Variants in GLB1 observed in about 807,000 individuals in gnomAD.
The protein encoded by GLB1 is galactosidase beta 1, also known as beta-galactosidase.
GLB1 carries 56 observed loss-of-function variants against 74.0 expected under a neutral mutation model. The observed-to-expected ratio is 0.76, with a 90% CI of 0.61 to 0.94. The LOEUF (loss-of-function observed/expected upper bound fraction) is 0.94, where lower values mean the gene tolerates loss of function less well. GLB1 is among the 40% of genes least tolerant of loss of function. GLB1 has a pLI of 0.00. For missense variants in GLB1, 787 were observed against 845.5 expected (o/e 0.93, Z 0.86); for synonymous variants, 323 against 323.6 (o/e 1.00, Z 0.02).
At chr3:33,011,104 G>A (rs984940003) in intron 15 of GLB1, among the ~76,000 whole-genome samples, 3 of 152,078 alleles carry the variant, frequency 2.0e-5, no homozygotes, top group South Asian at 2.1e-4. Context: ...TGATCCACCC[G>A]TCTCGGCCTC....
chr3:33,008,681 G>A (rs976105697), intron 15 of GLB1, among the ~76,000 whole-genome samples: 25 of 152,178 alleles, frequency 1.6e-4, no homozygotes, highest in African/African-American at 5.8e-4. Context: ...CGATGAATGC[G>A]CTGAGAAGTC....
intron 1 of GLB1, among the ~76,000 whole-genome samples, chr3:33,073,345 G>C (rs1699958099): frequency 6.6e-6 from 1 of 152,130 alleles, no homozygotes; most frequent in Non-Finnish European, 1.5e-5. Context: ...GCCATGACCT[G>C]ATTTGTGAAT....
chr3:33,092,930 G>T (rs758668019), intron 1 of GLB1: 2 of 1,614,196 alleles, frequency 1.2e-6, no homozygotes, highest in East Asian at 2.2e-5. Flanking sequence ...TGACATACAC[G>T]AATGTAGCCT....
the GLB1 span, among the ~76,000 whole-genome samples, chr3:32,977,460 G>A: frequency 3.9e-5 from 6 of 151,922 alleles, no homozygotes; most frequent in Admixed American, 6.6e-5. Context: ...CACCTGCCTC[G>A]GCCTCCCAAA....
intron 1 of GLB1, among the ~76,000 whole-genome samples, chr3:33,081,687 C>A (rs151234067): frequency 6.6e-6 from 1 of 152,150 alleles, no homozygotes; most frequent in Non-Finnish European, 1.5e-5. Flanking sequence ...AGCATGGGAC[C>A]GCTTAACCAT....
rs774067626 is a variant in GLB1 at position 33,021,630 on chromosome 3, T to C, written c.1169A>G (p.Asp390Gly). ...GATGGGCCCAGAGGGACACAGAATGTCCAGAGCTGCTCCCACTGTCTTTAA... is the reference window on the plus strand; with the variant it reads ...GATGGGCCCAGAGGGACACAGAATGCCCAGAGCTGCTCCCACTGTCTTTAA... The part of the protein sequence containing the change: ...EKLKTVGAAL[D>G]ILCPSGPIKS... Residue 390 changes from aspartate (D) to glycine (G), a missense_variant, in exon 12 of 16, where the codon GAC becomes GGC. Physicochemically the swap from Asp to Gly is moderately conservative, Grantham distance 94. Coordinates refer to ENST00000307363, the MANE Select transcript of GLB1 (RefSeq NM_000404.4). The C allele has an allele frequency of 5.6e-6, 9 of 1,614,048 alleles. No homozygotes were observed. The East Asian group carries it at 2.0e-4, about 36-fold the overall frequency.
intron 1 of GLB1, chr3:33,092,950 G>A (rs1700833359): frequency 1.2e-6 from 2 of 1,614,210 alleles, no homozygotes; most frequent in South Asian, 2.2e-5. Flanking sequence ...TGGGCCACCT[G>A]GTAGAGACCA....
intron 1 of GLB1, chr3:33,092,648 G>C (rs1017608436): frequency 2.1e-5 from 29 of 1,378,350 alleles, no homozygotes; most frequent in African/African-American, 1.0e-4. Context: ...CAAGGAAATA[G>C]TTAAACCAGC....
At chr3:33,064,472 T>C (rs1699584771) in intron 5 of GLB1, among the ~76,000 whole-genome samples, 2 of 145,718 alleles carry the variant, frequency 1.4e-5, no homozygotes, top group African/African-American at 5.1e-5. Flanking sequence ...TTTACTCTTT[T>C]CCATAAGAGC....
chr3:33,023,557 C>CTT (rs960310265), intron 11 of GLB1, among the ~76,000 whole-genome samples: 5 of 144,398 alleles, frequency 3.5e-5, no homozygotes, highest in African/African-American at 1.3e-4. Context: ...GGTAACGGTT[C>CTT]TTTTTTTTTT....
At chr3:33,036,673 C>A (rs1473583749) in intron 10 of GLB1, among the ~76,000 whole-genome samples, 2 of 152,074 alleles carry the variant, frequency 1.3e-5, no homozygotes, top group African/African-American at 4.8e-5. Flanking sequence ...ATATCATATA[C>A]GCATACAATG....
intron 12 of GLB1, chr3:33,021,210 A>G (rs1341569410): frequency 3.1e-6 from 1 of 323,644 alleles, no homozygotes; most frequent in Non-Finnish European, 5.9e-6. Flanking sequence ...AGAACAAATA[A>G]TTAAACTGTC....
chr3:33,011,295 A>G (rs1697012181), intron 15 of GLB1, among the ~76,000 whole-genome samples: 1 of 152,122 alleles, frequency 6.6e-6, no homozygotes. Context: ...AAAAACTTAC[A>G]TGCAAGTGTT....
chr3:33,006,324 C>T (rs762857185), intron 15 of GLB1, among the ~76,000 whole-genome samples: 7 of 152,138 alleles, frequency 4.6e-5, no homozygotes, highest in African/African-American at 1.2e-4. Context: ...TTGTGAACTG[C>T]GCACGCGAGG....
the GLB1 span, among the ~76,000 whole-genome samples, chr3:32,973,662 C>T: frequency 6.6e-6 from 1 of 151,984 alleles, no homozygotes; most frequent in African/African-American, 2.4e-5. Flanking sequence ...CGGTTTTGGC[C>T]ATTACTTTCA....
intron 10 of GLB1, chr3:33,045,214 A>G: frequency 2.1e-6 from 1 of 478,860 alleles, no homozygotes; most frequent in Non-Finnish European, 2.7e-6. Flanking sequence ...CAAATTAACA[A>G]TCAGTAGACT....
intron 15 of GLB1, among the ~76,000 whole-genome samples, chr3:33,004,041 G>A (rs966544859): frequency 1.3e-5 from 2 of 151,676 alleles, no homozygotes; most frequent in African/African-American, 2.4e-5. Context: ...AAAAAAAAAA[G>A]GGGTAGAACA....
intron 14 of GLB1, 102 bp downstream of exon 14, chr3:33,016,607 T>A: frequency 6.3e-7 from 1 of 1,584,732 alleles, no homozygotes; most frequent in Non-Finnish European, 8.6e-7. Context: ...CTGCCTTGGC[T>A]TCCCAAAGTG....
At chr3:32,984,389 C>G in the GLB1 span, among the ~76,000 whole-genome samples, 1 of 152,196 alleles carries the variant, frequency 6.6e-6, no homozygotes, top group Non-Finnish European at 1.5e-5. Flanking sequence ...AGCCACTCAG[C>G]TTAATGTGGG....
Sources: gnomAD v4.1 joint callset for allele counts (sites outside exome capture counted in the v4.1 genomes callset) on GRCh38, gnomAD v4.1.1 for gene constraint, MANE v1.5 for transcripts, NCBI Gene and HGNC (gene_info 2026-07-23, HGNC 2026-07-21) for gene names.